The following VRK1 variants were observed in gnomAD, a reference collection of about 807,000 sequenced individuals.
VRK1 encodes VRK serine/threonine kinase 1.
Under a neutral mutation model 57.1 loss-of-function variants are expected in VRK1, and 33 were observed. That is an observed-to-expected ratio of 0.58 (90% CI 0.44 to 0.77). VRK1 has a LOEUF of 0.77. Ranked by LOEUF, VRK1 falls within the 30% of genes least tolerant of loss-of-function variation. The pLI is 0.00. For missense variants in VRK1, 413 were observed against 477.3 expected (o/e 0.87, Z 1.25); for synonymous variants, 137 against 147.8 (o/e 0.93, Z 0.53).
chr14:96,869,496 A>G (rs1424916194), intron 11 of VRK1, among the ~76,000 whole-genome samples: 1 of 152,232 alleles, frequency 6.6e-6, no homozygotes, highest in Non-Finnish European at 1.5e-5. Flanking sequence ...TTTGAATAGT[A>G]AACGATTATG....
intron 1 of VRK1, among the ~76,000 whole-genome samples, chr14:96,828,266 G>T (rs1311079830): frequency 6.6e-6 from 1 of 152,134 alleles, no homozygotes. Flanking sequence ...GAATTGCTGG[G>T]TCGGTTAGCA....
At chr14:96,852,962 G>A in intron 6 of VRK1, 23 bp downstream of exon 6, 1 of 1,611,852 alleles carries the variant, frequency 6.2e-7, no homozygotes, top group South Asian at 1.1e-5. Flanking sequence ...TGTTCTTCTT[G>A]TTTTTAAAAA....
At chr14:96,821,880 C>T (rs1886612599) in intron 1 of VRK1, among the ~76,000 whole-genome samples, 1 of 152,134 alleles carries the variant, frequency 6.6e-6, no homozygotes, top group African/African-American at 2.4e-5. Context: ...ACAAGCTGGA[C>T]ATGTTCTTGC....
intron 11 of VRK1, among the ~76,000 whole-genome samples, chr14:96,866,611 G>C (rs1056483885): frequency 1.2e-4 from 19 of 152,134 alleles, no homozygotes; most frequent in African/African-American, 4.6e-4. Flanking sequence ...TACAGGTCCT[G>C]CTTTTGGGGA....
At chr14:96,813,971 G>A (rs1450868908) in intron 1 of VRK1, among the ~76,000 whole-genome samples, 1 of 152,052 alleles carries the variant, frequency 6.6e-6, no homozygotes, top group Non-Finnish European at 1.5e-5. Flanking sequence ...GTTATCCTAA[G>A]AATTAGAGAT....
chr14:96,843,224 G>T (rs989268802), intron 3 of VRK1, among the ~76,000 whole-genome samples: 2 of 152,212 alleles, frequency 1.3e-5, no homozygotes, highest in African/African-American at 4.8e-5. Flanking sequence ...ATTTTCTTTT[G>T]TGTTTTCTTG....
At chr14:96,837,378 C>T (rs1315892430) in intron 2 of VRK1, among the ~76,000 whole-genome samples, 1 of 152,168 alleles carries the variant, frequency 6.6e-6, no homozygotes, top group Non-Finnish European at 1.5e-5. Context: ...AGATGCTCCT[C>T]TCCTCTTAAA....
chr14:96,880,717 G>A (rs1451799336), intron 12 of VRK1, among the ~76,000 whole-genome samples: 1 of 152,178 alleles, frequency 6.6e-6, no homozygotes, highest in Non-Finnish European at 1.5e-5. Flanking sequence ...CCTGCCTCAA[G>A]GGTGTAGCTA....
chr14:96,823,427 A>G (rs572587721), intron 1 of VRK1, among the ~76,000 whole-genome samples: 3 of 152,348 alleles, frequency 2.0e-5, no homozygotes, highest in African/African-American at 7.2e-5. Context: ...TGCTGTGATA[A>G]CTAGTAGATT....
intron 5 of VRK1, among the ~76,000 whole-genome samples, chr14:96,851,669 A>G (rs1305370195): frequency 1.3e-5 from 2 of 152,194 alleles, no homozygotes; most frequent in Non-Finnish European, 2.9e-5. Context: ...TAACATATAA[A>G]TGGGATTTTT....
At chr14:96,875,618 T>C (rs147013803) in intron 11 of VRK1, among the ~76,000 whole-genome samples, 5 of 152,304 alleles carry the variant, frequency 3.3e-5, no homozygotes, top group Non-Finnish European at 7.3e-5. Flanking sequence ...GATTATCCTC[T>C]CCACCCCACC....
At chr14:96,809,922 T>C (rs762981319) in intron 1 of VRK1, among the ~76,000 whole-genome samples, 14 of 152,210 alleles carry the variant, frequency 9.2e-5, no homozygotes, top group East Asian at 1.9e-4. Flanking sequence ...ATCCTTGTTG[T>C]ACCTATTTAT....
Position 96,861,720 on chromosome 14 carries a change from A to T in VRK1, c.1068+985A>T, listed in dbSNP as rs1241707245. Among the ~76,000 whole-genome samples, 3 of 152,336 alleles carry T rather than the reference A, an allele frequency of 2.0e-5. No homozygotes were observed. The East Asian group carries it at 5.8e-4, about 29-fold the overall frequency. The stretch of plus-strand genomic sequence containing the variant: ...AATAGCAGGTCTCTGTAATTTCATC[A>T]TAGAATCTGAAATTATATACATGCA... On this transcript the variant is annotated intron_variant, in intron 11 of 12. Transcript: ENST00000216639.
intron 4 of VRK1, 97 bp downstream of exon 4, chr14:96,846,261 T>C (rs981937147): frequency 4.9e-6 from 6 of 1,216,342 alleles, no homozygotes; most frequent in East Asian, 2.4e-5. Context: ...TTATGACTCT[T>C]TGTTATTTTT....
chr14:96,846,900 T>C (rs1887721403), intron 4 of VRK1, among the ~76,000 whole-genome samples: 1 of 152,078 alleles, frequency 6.6e-6, no homozygotes, highest in Non-Finnish European at 1.5e-5. Flanking sequence ...CACCATTTTA[T>C]ATGAGGGACT....
intron 11 of VRK1, among the ~76,000 whole-genome samples, chr14:96,865,367 C>G (rs1888544558): frequency 6.6e-6 from 1 of 152,136 alleles, no homozygotes; most frequent in East Asian, 1.9e-4. Context: ...TTTCTAGATA[C>G]CCTATTCTGT....
chr14:96,868,987 G>T (rs913766201), intron 11 of VRK1, among the ~76,000 whole-genome samples: 1 of 151,900 alleles, frequency 6.6e-6, no homozygotes, highest in African/African-American at 2.4e-5. Flanking sequence ...TAGAGACGGG[G>T]TTTCTCCGTG....
At position 96,860,605 on chromosome 14, in the gene VRK1, A is replaced by G; in HGVS notation, c.938A>G (p.Glu313Gly). The part of the protein sequence containing the change: ...METVKLLDYT[E>G]KPLYENLRDI... Reference sequence around the variant, plus strand: ...ACAGTGAAATTACTAGACTACACTGAAAAACCTCTTTATGAAAATTTACGT... The same window carrying G: ...ACAGTGAAATTACTAGACTACACTGGAAAACCTCTTTATGAAAATTTACGT... Residue 313 changes from glutamate (E) to glycine (G), a missense_variant, in exon 11 of 13, where the codon GAA (glutamate) becomes GGA (glycine). Glu to Gly is a moderately conservative substitution (Grantham distance 98, BLOSUM62 -2). Around this residue, in one of 3 missense-constraint regions of VRK1, gnomAD observed 146 missense variants for 138.2 expected, o/e 1.06. Coordinates refer to ENST00000216639, the MANE Select transcript of VRK1 (RefSeq NM_003384.3). The G allele has an allele frequency of 2.5e-6, 4 of 1,613,192 alleles. No individual in the cohort carries two copies. Among genetic ancestry groups the G allele is most frequent in the Non-Finnish European group, 3.4e-6 (4 of 1,179,440 alleles).
At chr14:96,834,336 G>T (rs565404664) in intron 2 of VRK1, among the ~76,000 whole-genome samples, 1 of 152,130 alleles carries the variant, frequency 6.6e-6, no homozygotes, top group South Asian at 2.1e-4. Flanking sequence ...TACCATGGAG[G>T]TTTATAAAAT....
Sources: gnomAD v4.1 joint callset for allele counts (sites outside exome capture counted in the v4.1 genomes callset) on GRCh38, gnomAD v4.1.1 for gene constraint, gnomAD v4.1.1 regional missense constraint, MANE v1.5 for transcripts, NCBI Gene and HGNC (gene_info 2026-07-23, HGNC 2026-07-21) for gene names.